The following CLIC4 variants were observed in gnomAD, a reference collection of about 807,000 sequenced individuals.
CLIC4 encodes the protein CLIC family member 4, also known as chloride intracellular channel protein 4.
In CLIC4, 13 loss-of-function variants were observed where a neutral mutation model predicts 24.6. The ratio of observed to expected loss-of-function variants is 0.53; its 90% CI spans 0.34 to 0.84. The LOEUF is 0.84. CLIC4 is among the 40% of genes least tolerant of loss of function. CLIC4 has a pLI of 0.01. For missense variants in CLIC4, 227 were observed against 301.7 expected, an observed-to-expected ratio of 0.75 and a Z score of 1.83; for synonymous variants, 104 against 111.3, an observed-to-expected ratio of 0.93 and a Z score of 0.41.
intron 1 of CLIC4, among the ~76,000 whole-genome samples, chr1:24,763,249 G>GA (rs1164363752): frequency 6.6e-6 from 1 of 152,006 alleles, no homozygotes; most frequent in Non-Finnish European, 1.5e-5. Context: ...CTCTACTAAA[G>GA]AAAGAATTGG....
intron 1 of CLIC4, among the ~76,000 whole-genome samples, chr1:24,766,304 A>G: frequency 6.7e-6 from 1 of 149,628 alleles, no homozygotes; most frequent in Non-Finnish European, 1.5e-5. Flanking sequence ...CGCCCGGCCT[A>G]TATTTTTAAT....
intron 1 of CLIC4, among the ~76,000 whole-genome samples, chr1:24,773,947 G>T (rs1387998732): frequency 6.6e-6 from 1 of 151,690 alleles, no homozygotes; most frequent in African/African-American, 2.4e-5. Context: ...AATTATAAAG[G>T]AGCATGTTTC....
At chr1:24,757,481 T>C (rs1638866082) in intron 1 of CLIC4, among the ~76,000 whole-genome samples, 1 of 152,138 alleles carries the variant, frequency 6.6e-6, no homozygotes, top group Non-Finnish European at 1.5e-5. Flanking sequence ...GGCACATGCC[T>C]GTAACCCCAG....
intron 1 of CLIC4, among the ~76,000 whole-genome samples, chr1:24,788,656 T>C (rs748849093): frequency 1.3e-5 from 2 of 152,258 alleles, no homozygotes; most frequent in Non-Finnish European, 2.9e-5. Context: ...AATATTCCAC[T>C]GTATGGATAT....
Position 24,767,074 on chromosome 1 carries a change from A to C in CLIC4, c.72+21449A>C, listed in dbSNP as rs369940543. On this transcript the variant is annotated intron_variant, in intron 1 of 5. Coordinates refer to ENST00000374379, the MANE Select transcript of CLIC4 (RefSeq NM_013943.3). Reference sequence around the variant, plus strand: ...GAAAAAGAAAAGAAAAACCAAAAAAACCTTATAATGTTTTAAGAAAGTTTA... The same window carrying C: ...GAAAAAGAAAAGAAAAACCAAAAAACCCTTATAATGTTTTAAGAAAGTTTA... Among the ~76,000 whole-genome samples the C allele has an allele frequency of 2.7e-3, 410 of 151,010 alleles. 1 individual carries two copies. The highest frequency in any genetic ancestry group is 9.2e-3 in the African/African-American group (380 of 41,140).
chr1:24,796,141 CAT>C (rs918819953), intron 1 of CLIC4, among the ~76,000 whole-genome samples: 3 of 152,156 alleles, frequency 2.0e-5, no homozygotes, highest in African/African-American at 7.2e-5. Flanking sequence ...AAATTGTAGT[CAT>C]GTGCTGCATA....
chr1:24,768,071 C>G (rs1026858629), intron 1 of CLIC4, among the ~76,000 whole-genome samples: 1 of 152,044 alleles, frequency 6.6e-6, no homozygotes, highest in Non-Finnish European at 1.5e-5. Flanking sequence ...GGACTCCTGA[C>G]ATGAGGTGAT....
At chr1:24,786,952 A>C (rs896769634) in intron 1 of CLIC4, among the ~76,000 whole-genome samples, 1 of 142,220 alleles carries the variant, frequency 7.0e-6, no homozygotes, top group Non-Finnish European at 1.5e-5. Flanking sequence ...ATGGGGTCTC[A>C]CTCTGTCACC....
At chr1:24,768,760 G>C (rs1639037406) in intron 1 of CLIC4, among the ~76,000 whole-genome samples, 1 of 151,988 alleles carries the variant, frequency 6.6e-6, no homozygotes, top group Non-Finnish European at 1.5e-5. Context: ...AAATTAGGAG[G>C]CATGGTGGCA....
chr1:24,765,074 C>T (rs951763845), intron 1 of CLIC4, among the ~76,000 whole-genome samples: 18 of 152,120 alleles, frequency 1.2e-4, no homozygotes, highest in African/African-American at 4.3e-4. Context: ...AACTCACTGC[C>T]TGGGAGGCCT....
intron 1 of CLIC4, among the ~76,000 whole-genome samples, chr1:24,796,766 G>T (rs146682889): frequency 1.3e-5 from 2 of 151,962 alleles, no homozygotes; most frequent in Non-Finnish European, 2.9e-5. Context: ...ATTCATGACT[G>T]TAATTTAAAA....
intron 2 of CLIC4, among the ~76,000 whole-genome samples, chr1:24,805,036 C>T (rs757610102): frequency 1.3e-4 from 15 of 117,954 alleles, no homozygotes; most frequent in Non-Finnish European, 1.9e-4. Flanking sequence ...GAGGTGGAGG[C>T]AAATCACGCC....
chr1:24,795,664 G>A (rs1237396987), intron 1 of CLIC4, among the ~76,000 whole-genome samples: 1 of 152,126 alleles, frequency 6.6e-6, no homozygotes, highest in Non-Finnish European at 1.5e-5. Context: ...TCCACCTCCC[G>A]GGTTCAAGCA....
intron 1 of CLIC4, among the ~76,000 whole-genome samples, chr1:24,762,493 G>T (rs2124091345): frequency 6.6e-6 from 1 of 152,282 alleles, no homozygotes; most frequent in Admixed American, 6.5e-5. Context: ...AGCAAGTTCT[G>T]AGGAACTCTA....
intron 1 of CLIC4, among the ~76,000 whole-genome samples, chr1:24,775,827 C>CTTTT (rs901137221): frequency 7.3e-6 from 1 of 136,152 alleles, no homozygotes; most frequent in African/African-American, 2.7e-5. Flanking sequence ...TCCTTGATTA[C>CTTTT]TTTTTTTTTT....
At chr1:24,789,731 A>G (rs1160923382) in intron 1 of CLIC4, among the ~76,000 whole-genome samples, 2 of 151,136 alleles carry the variant, frequency 1.3e-5, no homozygotes, top group African/African-American at 2.4e-5. Context: ...GGACTTCTTT[A>G]TATCTTTTTT....
At chr1:24,770,873 A>G (rs1639062724) in intron 1 of CLIC4, among the ~76,000 whole-genome samples, 1 of 152,152 alleles carries the variant, frequency 6.6e-6, no homozygotes, top group African/African-American at 2.4e-5. Flanking sequence ...TTAACCATTA[A>G]AGCAGATCTC....
At chr1:24,745,675 C>A in intron 1 of CLIC4, 50 bp downstream of exon 1, 2 of 1,464,854 alleles carry the variant, frequency 1.4e-6, no homozygotes, top group Non-Finnish European at 1.8e-6. Context: ...GGCTCCCTCC[C>A]GGCTGCGGGG....
At chr1:24,746,821 C>A (rs1193246326) in intron 1 of CLIC4, among the ~76,000 whole-genome samples, 1 of 151,994 alleles carries the variant, frequency 6.6e-6, no homozygotes, top group African/African-American at 2.4e-5. Flanking sequence ...ATGGCGAAAC[C>A]CTGTCTCTAC....
Sources: gnomAD v4.1 joint callset for allele counts (sites outside exome capture counted in the v4.1 genomes callset) on GRCh38, gnomAD v4.1.1 for gene constraint, MANE v1.5 for transcripts, NCBI Gene and HGNC (gene_info 2026-07-23, HGNC 2026-07-21) for gene names.